FAM13A: variants seen among roughly 807,000 people sequenced by gnomAD.
FAM13A encodes the protein protein FAM13A.
In FAM13A, 76 loss-of-function variants were observed where a neutral mutation model predicts 129.6. That is an observed-to-expected ratio of 0.59 (90% CI 0.49 to 0.71). The LOEUF (loss-of-function observed/expected upper bound fraction) is 0.71, where lower values mean the gene tolerates loss of function less well. Among genes scored for constraint, FAM13A ranks in the 30% least tolerant of loss-of-function variants. The pLI is 0.00. For synonymous variants in FAM13A, 443 were observed against 449.9 expected, an observed-to-expected ratio of 0.98 and a Z score of 0.20; for missense variants, 1,108 against 1,249.3, an observed-to-expected ratio of 0.89 and a Z score of 1.70.
chr4:88,905,952 G>A (rs1298585556), intron 6 of FAM13A, among the ~76,000 whole-genome samples: 1 of 152,158 alleles, frequency 6.6e-6, no homozygotes, highest in Non-Finnish European at 1.5e-5. Flanking sequence ...CAAAAGGGCT[G>A]AAGGAAATGC....
intron 11 of FAM13A, among the ~76,000 whole-genome samples, chr4:88,773,219 C>G (rs1214215426): frequency 6.6e-6 from 1 of 152,204 alleles, no homozygotes; most frequent in African/African-American, 2.4e-5. Context: ...CACAAATATT[C>G]TGTAACATCA....
At chr4:88,928,362 A>C (rs1274486334) in intron 5 of FAM13A, among the ~76,000 whole-genome samples, 4 of 152,098 alleles carry the variant, frequency 2.6e-5, no homozygotes, top group Non-Finnish European at 4.4e-5. Flanking sequence ...TTTAGTCTAA[A>C]GTCCAACTTA....
At chr4:88,960,479 G>T (rs1758429536) in intron 4 of FAM13A, among the ~76,000 whole-genome samples, 1 of 152,124 alleles carries the variant, frequency 6.6e-6, no homozygotes, top group African/African-American at 2.4e-5. Context: ...TAATCCCTTG[G>T]TTCTACTTCT....
intron 7 of FAM13A, among the ~76,000 whole-genome samples, chr4:88,813,067 G>T (rs376111189): frequency 1.5e-3 from 223 of 152,218 alleles, no homozygotes; most frequent in African/African-American, 4.5e-3. Flanking sequence ...ACAATAAGAG[G>T]TGGGAGCTTT....
rs563903401 is a variant in FAM13A at position 88,970,394 on chromosome 4, T to C, written c.605+20579A>G. On this transcript the variant is annotated intron_variant, in intron 4 of 23. Coordinates refer to ENST00000264344, the MANE Select transcript of FAM13A (RefSeq NM_014883.4). ...TTTGAATGCCATGGAAAAGAAAATATCACTAAATAAAGGTCTTGGAAACAA... is the reference window on the plus strand; with the variant it reads ...TTTGAATGCCATGGAAAAGAAAATACCACTAAATAAAGGTCTTGGAAACAA... 9.4e-4 allele frequency among the ~76,000 whole-genome samples: 142 copies of C among 151,580 alleles called. 3 individuals are homozygous for C. The highest frequency in any genetic ancestry group is 7.3e-3 in the South Asian group (35 of 4,808).
chr4:88,874,567 G>C (rs1742036017), intron 6 of FAM13A, among the ~76,000 whole-genome samples: 1 of 152,090 alleles, frequency 6.6e-6, no homozygotes, highest in Admixed American at 6.6e-5. Flanking sequence ...AAAATACCTA[G>C]GAATCCAACT....
At chr4:88,845,776 TAAG>T (rs1207280266) in intron 7 of FAM13A, among the ~76,000 whole-genome samples, 2 of 152,186 alleles carry the variant, frequency 1.3e-5, no homozygotes, top group Admixed American at 6.5e-5. Context: ...TCAAATTTTT[TAAG>T]AAGAATGTAT....
intron 1 of FAM13A, among the ~76,000 whole-genome samples, chr4:89,052,614 T>C (rs1771754926): frequency 6.6e-6 from 1 of 151,952 alleles, no homozygotes; most frequent in Non-Finnish European, 1.5e-5. Context: ...TTGGGGTAAT[T>C]CTTCCGTTAT....
At chr4:89,001,960 T>C (rs187266816) in intron 3 of FAM13A, among the ~76,000 whole-genome samples, 80 of 152,152 alleles carry the variant, frequency 5.3e-4, no homozygotes, top group African/African-American at 1.9e-3. Context: ...TTTGATAAAA[T>C]TCACAGGCAC....
chr4:89,049,562 C>T (rs191402966), intron 1 of FAM13A, among the ~76,000 whole-genome samples: 118 of 152,310 alleles, frequency 7.7e-4, no homozygotes, highest in African/African-American at 2.8e-3. Context: ...TATCAAAATT[C>T]TCTTTCAACA....
chr4:88,827,818 G>A (rs550043096), intron 7 of FAM13A, among the ~76,000 whole-genome samples: 6 of 152,264 alleles, frequency 3.9e-5, no homozygotes, highest in South Asian at 2.1e-4. Context: ...CCATGCTTGC[G>A]ATTTGGTAAC....
intron 4 of FAM13A, among the ~76,000 whole-genome samples, chr4:88,953,181 C>T (rs903469179): frequency 1.3e-5 from 2 of 151,732 alleles, no homozygotes; most frequent in African/African-American, 2.4e-5. Flanking sequence ...CTCAGCTGGG[C>T]GTGGTGGCTC....
chr4:88,971,157 G>A (rs1486453911), intron 4 of FAM13A, among the ~76,000 whole-genome samples: 2 of 152,196 alleles, frequency 1.3e-5, no homozygotes, highest in Non-Finnish European at 2.9e-5. Flanking sequence ...GGCGGAGCTT[G>A]CAGAGAGCCG....
At chr4:88,909,202 T>C (rs1371543660) in intron 5 of FAM13A, among the ~76,000 whole-genome samples, 2 of 152,128 alleles carry the variant, frequency 1.3e-5, no homozygotes, top group Non-Finnish European at 2.9e-5. Context: ...CAAATGCCCA[T>C]TAATTGATGA....
chr4:88,795,863 TC>T (rs1726064127), intron 8 of FAM13A, among the ~76,000 whole-genome samples: 2 of 151,856 alleles, frequency 1.3e-5, no homozygotes. Flanking sequence ...CATGATGTAT[TC>T]TCTAATCTTT....
At chr4:88,913,072 AGAG>A (rs887781464) in intron 5 of FAM13A, among the ~76,000 whole-genome samples, 7 of 151,348 alleles carry the variant, frequency 4.6e-5, no homozygotes, top group Middle Eastern at 3.5e-3. Flanking sequence ...AGAAGGAACA[AGAG>A]GAGGAGGAAG....
At chr4:88,940,353 GGGAA>G (rs3067807) in intron 4 of FAM13A, among the ~76,000 whole-genome samples, 42,547 of 151,880 alleles carry the variant, frequency 0.28, 6,953 homozygotes, top group Middle Eastern at 0.41. Flanking sequence ...AGAAAACTTA[GGGAA>G]ATTGTATCCT....
chr4:88,928,132 T>G (rs1441154149), intron 5 of FAM13A, among the ~76,000 whole-genome samples: 2 of 152,190 alleles, frequency 1.3e-5, no homozygotes, highest in Non-Finnish European at 2.9e-5. Context: ...TCCATGTGTC[T>G]GTATAGTTTC....
At chr4:88,857,939 TAACA>T (rs536798571) in intron 6 of FAM13A, among the ~76,000 whole-genome samples, 1 of 152,230 alleles carries the variant, frequency 6.6e-6, no homozygotes, top group South Asian at 2.1e-4. Flanking sequence ...ATTGAAATGT[TAACA>T]ATCAGCTGAT....
Sources: gnomAD v4.1 joint callset for allele counts (sites outside exome capture counted in the v4.1 genomes callset) on GRCh38, gnomAD v4.1.1 for gene constraint, MANE v1.5 for transcripts, NCBI Gene and HGNC (gene_info 2026-07-23, HGNC 2026-07-21) for gene names.